SDK2: variants seen among roughly 807,000 people sequenced by gnomAD.
SDK2 encodes sidekick cell adhesion molecule 2, also known as protein sidekick-2.
In SDK2, 105 loss-of-function variants were observed where a neutral mutation model predicts 253.9. The ratio of observed to expected loss-of-function variants is 0.41; its 90% CI spans 0.35 to 0.49. SDK2 has a LOEUF of 0.49. Among genes scored for constraint, SDK2 ranks in the 20% least tolerant of loss-of-function variants. The probability of loss-of-function intolerance (pLI) is 0.06; values close to 1 mark genes in which losing one functional copy is unlikely to be tolerated. For synonymous variants in SDK2, 1,249 were observed against 1,234.9 expected (o/e 1.01, Z -0.24); for missense variants, 2,608 against 3,003.0 (o/e 0.87, Z 3.07).
intron 1 of SDK2, among the ~76,000 whole-genome samples, chr17:73,638,628 A>C (rs1382258650): frequency 6.6e-6 from 1 of 151,720 alleles, no homozygotes; most frequent in African/African-American, 2.4e-5. Flanking sequence ...AGGGGGAGTG[A>C]GGAGATGAGG....
intron 29 of SDK2, among the ~76,000 whole-genome samples, chr17:73,388,534 CTG>C (rs1400489838): frequency 1.3e-5 from 2 of 152,164 alleles, no homozygotes; most frequent in Non-Finnish European, 2.9e-5. Flanking sequence ...ACAGATGACT[CTG>C]TGGCGGGGGC....
At chr17:73,539,821 G>A (rs963304383) in intron 1 of SDK2, among the ~76,000 whole-genome samples, 4 of 152,248 alleles carry the variant, frequency 2.6e-5, no homozygotes, top group African/African-American at 9.6e-5. Context: ...ACACACGGGG[G>A]GAATGCCATG....
chr17:73,355,174 A>ATATATATATATATATATATATATTTT, intron 40 of SDK2, among the ~76,000 whole-genome samples: 2 of 47,240 alleles, frequency 4.2e-5, no homozygotes, highest in East Asian at 8.5e-4. Flanking sequence ...ATATATATAT[A>ATATATATATATATATATATATATTTT]TTTTTTTTTT....
chr17:73,348,966 G>T (rs116925075), intron 43 of SDK2, among the ~76,000 whole-genome samples: 308 of 152,338 alleles, frequency 2.0e-3, no homozygotes, highest in Non-Finnish European at 3.4e-3. Flanking sequence ...GTGAATGTAG[G>T]GGGGATGTCA....
chr17:73,560,345 T>C (rs1286747532), intron 1 of SDK2, among the ~76,000 whole-genome samples: 3 of 152,072 alleles, frequency 2.0e-5, no homozygotes, highest in Admixed American at 1.3e-4. Context: ...TTATTGTTTT[T>C]GTTTGTTTGT....
chr17:73,440,572 T>A (rs2063407444), intron 6 of SDK2, among the ~76,000 whole-genome samples: 1 of 152,134 alleles, frequency 6.6e-6, no homozygotes, highest in African/African-American at 2.4e-5. Context: ...CAGGCTGACG[T>A]CCCCTTCCCT....
chr17:73,545,974 C>T (rs1301381181), intron 1 of SDK2, among the ~76,000 whole-genome samples: 2 of 152,100 alleles, frequency 1.3e-5, no homozygotes, highest in Non-Finnish European at 2.9e-5. Context: ...TTGTGCAACC[C>T]GGGACTCAGA....
intron 44 of SDK2, among the ~76,000 whole-genome samples, chr17:73,340,494 T>G (rs960916985): frequency 1.3e-5 from 2 of 152,178 alleles, no homozygotes; most frequent in African/African-American, 4.8e-5. Flanking sequence ...TCTGACACAG[T>G]GTCATGTTTT....
At chr17:73,509,396 G>A (rs1239708025) in intron 1 of SDK2, among the ~76,000 whole-genome samples, 1 of 152,104 alleles carries the variant, frequency 6.6e-6, no homozygotes, top group Non-Finnish European at 1.5e-5. Context: ...CACCCTCAGT[G>A]CTGGCTGATG....
chr17:73,536,313 G>A (rs2044771146), intron 1 of SDK2, among the ~76,000 whole-genome samples: 1 of 152,246 alleles, frequency 6.6e-6, no homozygotes, highest in Non-Finnish European at 1.5e-5. Context: ...GCTGCAGGCT[G>A]TGCTGTTGTG....
At position 73,395,270 on chromosome 17, in the gene SDK2, G is replaced by T; in HGVS notation, c.3477C>A (p.Asp1159Glu). The change falls in exon 25 of 45, where the codon GAC (aspartate) becomes GAA (glutamate). Residue 1159 changes from aspartate to glutamate, a missense_variant. Physicochemically the swap from Asp to Glu is conservative, Grantham distance 45. This residue lies in a region of SDK2 where 1,505 missense variants were observed against 1,859.1 expected (regional missense o/e 0.81). Transcript: ENST00000392650. The surrounding 1 kb of genome is among the most constrained non-coding windows in gnomAD (Gnocchi z 4.3). ...SHVVQDRVER[D>E]YTIEDLEEWT... The stretch of plus-strand genomic sequence containing the variant: ...ACTCCTCCAGGTCCTCGATGGTGTA[G>T]TCCCGCTCCACACGGTCCTGCACCA... 6.2e-7 allele frequency: 1 copy of T among 1,613,934 alleles called. No homozygotes were observed.
At chr17:73,562,803 C>A (rs2045257046) in intron 1 of SDK2, among the ~76,000 whole-genome samples, 1 of 152,344 alleles carries the variant, frequency 6.6e-6, no homozygotes, top group Non-Finnish European at 1.5e-5. Flanking sequence ...GCCACGTCTG[C>A]GTTTTGTAAG....
chr17:73,384,730 C>T (rs766434864), intron 32 of SDK2, among the ~76,000 whole-genome samples: 4 of 152,204 alleles, frequency 2.6e-5, no homozygotes, highest in African/African-American at 7.2e-5. Context: ...GAAAGAGAAT[C>T]GTGTGAAGCT....
chr17:73,388,776 T>TTCCTTCCTTCCTTCCCTCCC (rs1191580854), intron 29 of SDK2, among the ~76,000 whole-genome samples: 1 of 57,152 alleles, frequency 1.7e-5, no homozygotes, highest in Non-Finnish European at 3.9e-5. Flanking sequence ...CTCCCTCTCC[T>TTCCTTCCTTCCTTCCCTCCC]TCCTTCCTTC....
At chr17:73,460,578 A>G (rs1231854421) in intron 3 of SDK2, among the ~76,000 whole-genome samples, 2 of 152,208 alleles carry the variant, frequency 1.3e-5, no homozygotes, top group African/African-American at 4.8e-5. Context: ...GGAAGCCTAC[A>G]TATTTTTCAC....
At chr17:73,373,942 ATCT>A (rs1413099764) in intron 36 of SDK2, among the ~76,000 whole-genome samples, 3 of 141,766 alleles carry the variant, frequency 2.1e-5, no homozygotes, top group African/African-American at 8.6e-5. Context: ...CAGCCTATGT[ATCT>A]TCTTTTGAGA....
intron 43 of SDK2, among the ~76,000 whole-genome samples, chr17:73,349,522 C>T (rs1245006857): frequency 6.6e-6 from 1 of 152,188 alleles, no homozygotes; most frequent in Non-Finnish European, 1.5e-5. Context: ...CAGGTGGGCC[C>T]CAGCAGCTGC....
At position 73,511,797 on chromosome 17, in the gene SDK2, C is replaced by T. The variant is rs1680968859; in HGVS notation, c.65-4200G>A. Among the ~76,000 whole-genome samples, 1 of 152,136 alleles carries T rather than the reference C, an allele frequency of 6.6e-6. No individual in the cohort carries two copies. Among genetic ancestry groups the T allele is most frequent in the Non-Finnish European group, 1.5e-5 (1 of 68,030 alleles). ...TGCCTCGTCTGAAAGCAAGAGATGG[C>T]AGGGGGCTGGCAGGGTGTGTGCTGT... On this transcript the variant is annotated intron_variant, in intron 1 of 44. Coordinates refer to ENST00000392650, the MANE Select transcript of SDK2 (RefSeq NM_001144952.2). This position sits in a 1 kb window ranked among gnomAD's most constrained non-coding sequence, Gnocchi z 4.9.
At chr17:73,464,449 C>T (rs1447965111) in intron 3 of SDK2, among the ~76,000 whole-genome samples, 2 of 152,210 alleles carry the variant, frequency 1.3e-5, no homozygotes, top group African/African-American at 4.8e-5. Flanking sequence ...TCAATTAAAC[C>T]TCTTTCCTTA....
Sources: allele counts gnomAD v4.1 joint callset (sites outside exome capture counted in the v4.1 genomes callset), GRCh38; gene constraint gnomAD v4.1.1; regional missense constraint gnomAD v4.1.1; non-coding constraint Gnocchi (gnomAD v3.1); transcripts MANE v1.5; gene names NCBI Gene and HGNC (gene_info 2026-07-23, HGNC 2026-07-21).